ARHGAP10: variants seen among roughly 807,000 people sequenced by gnomAD.
ARHGAP10 encodes rho GTPase-activating protein 10.
ARHGAP10 carries 87 observed loss-of-function variants against 108.6 expected under a neutral mutation model. That is an observed-to-expected ratio of 0.80 (90% CI 0.67 to 0.96). The LOEUF (loss-of-function observed/expected upper bound fraction) is 0.96. Among genes scored for constraint, ARHGAP10 ranks in the 40% least tolerant of loss-of-function variants. ARHGAP10 has a pLI of 0.00. For synonymous variants in ARHGAP10, 347 were observed against 341.1 expected, an observed-to-expected ratio of 1.02 and a Z score of -0.19; for missense variants, 939 against 954.5, an observed-to-expected ratio of 0.98 and a Z score of 0.21.
At chr4:147,990,891 C>T (rs2149635694) in intron 18 of ARHGAP10, among the ~76,000 whole-genome samples, 1 of 152,062 alleles carries the variant, frequency 6.6e-6, no homozygotes, top group Admixed American at 6.5e-5. Flanking sequence ...TGGTGCATAC[C>T]TGTGGTCCCA....
chr4:148,024,165 A>G (rs899548936), intron 19 of ARHGAP10, among the ~76,000 whole-genome samples: 1 of 152,226 alleles, frequency 6.6e-6, no homozygotes, highest in Non-Finnish European at 1.5e-5. Context: ...GTGGAGAATA[A>G]GATGATTCTG....
chr4:147,738,558 C>G (rs9994150), intron 1 of ARHGAP10, among the ~76,000 whole-genome samples: 2,041 of 151,042 alleles, frequency 0.014, 47 homozygotes, highest in African/African-American at 0.046. Flanking sequence ...GTCTCCCCCC[C>G]CCAAAAAAAA....
chr4:147,823,442 C>A (rs911190551), intron 3 of ARHGAP10, among the ~76,000 whole-genome samples: 5 of 152,064 alleles, frequency 3.3e-5, no homozygotes, highest in Admixed American at 1.3e-4. Context: ...CATCAAGATT[C>A]ATGATCATAA....
At chr4:147,795,603 G>A (rs987626848) in intron 1 of ARHGAP10, among the ~76,000 whole-genome samples, 8 of 151,976 alleles carry the variant, frequency 5.3e-5, no homozygotes, top group Non-Finnish European at 7.4e-5. Flanking sequence ...CGTGGTGCTT[G>A]GTACGTAGTA....
intron 9 of ARHGAP10, 100 bp from the exon 10 acceptor site, chr4:147,881,738 A>G: frequency 1.1e-6 from 1 of 946,432 alleles, no homozygotes; most frequent in Non-Finnish European, 1.6e-6. Flanking sequence ...GAAGGACTTA[A>G]GATCTTGAAC....
At chr4:147,890,479 A>G (rs1735756186) in intron 10 of ARHGAP10, among the ~76,000 whole-genome samples, 1 of 152,250 alleles carries the variant, frequency 6.6e-6, no homozygotes, top group Non-Finnish European at 1.5e-5. Flanking sequence ...TATATAGACA[A>G]ATAACAATGA....
intron 1 of ARHGAP10, among the ~76,000 whole-genome samples, chr4:147,797,564 C>A (rs1337152567): frequency 6.6e-6 from 1 of 152,100 alleles, no homozygotes; most frequent in Non-Finnish European, 1.5e-5. Flanking sequence ...AGGTGCGCAC[C>A]ACCACACCCA....
intron 1 of ARHGAP10, among the ~76,000 whole-genome samples, chr4:147,806,207 T>C (rs1471722313): frequency 6.6e-6 from 1 of 152,120 alleles, no homozygotes; most frequent in Non-Finnish European, 1.5e-5. Context: ...TCCAGGCGGC[T>C]TTCCAGGTCG....
At chr4:148,023,166 G>T in intron 18 of ARHGAP10, 97 bp from the exon 19 acceptor site, 3 of 1,440,000 alleles carry the variant, frequency 2.1e-6, no homozygotes, top group East Asian at 2.3e-5. Context: ...TGTCTTGAAT[G>T]AACTCCAAAT....
chr4:148,028,646 A>C (rs1727989350), intron 19 of ARHGAP10, among the ~76,000 whole-genome samples: 1 of 152,218 alleles, frequency 6.6e-6, no homozygotes, highest in Non-Finnish European at 1.5e-5. Flanking sequence ...GCAAGGGAGA[A>C]GAGTTGTAAC....
intron 4 of ARHGAP10, among the ~76,000 whole-genome samples, chr4:147,853,888 G>A (rs1733979324): frequency 6.6e-6 from 1 of 151,950 alleles, no homozygotes. Flanking sequence ...AATTAATTTT[G>A]ATATGAGATG....
intron 3 of ARHGAP10, among the ~76,000 whole-genome samples, chr4:147,840,406 C>G (rs559691754): frequency 5.7e-4 from 87 of 152,188 alleles, no homozygotes; most frequent in African/African-American, 1.9e-3. Flanking sequence ...CATGAAACAT[C>G]TAGTTTTTTT....
chr4:148,020,289 G>A (rs1225541988), intron 18 of ARHGAP10, among the ~76,000 whole-genome samples: 2 of 151,800 alleles, frequency 1.3e-5, no homozygotes, highest in Non-Finnish European at 2.9e-5. Flanking sequence ...TTTTTCTGGT[G>A]TTTTTTTTCC....
Position 147,835,666 on chromosome 4 carries a change from G to A in ARHGAP10, c.313-11485G>A, listed in dbSNP as rs1579098382. On this transcript the variant is annotated intron_variant, in intron 3 of 22. Transcript: ENST00000336498. ...TGGGATTACAGGCATGAGCCACTGCGCCTGGCCTATTTTATTTTCTTGATT... is the reference window on the plus strand; with the variant it reads ...TGGGATTACAGGCATGAGCCACTGCACCTGGCCTATTTTATTTTCTTGATT... Among the ~76,000 whole-genome samples, 7 of 152,286 alleles carry A rather than the reference G, an allele frequency of 4.6e-5. No individual in the cohort carries two copies. The Middle Eastern group carries it at 0.01, about 222-fold the overall frequency.
chr4:147,848,657 T>C (rs1353368215), intron 4 of ARHGAP10, among the ~76,000 whole-genome samples: 1 of 152,266 alleles, frequency 6.6e-6, no homozygotes, highest in Non-Finnish European at 1.5e-5. Context: ...TTTTCTCATT[T>C]GAATTGGATG....
chr4:147,756,983 T>C (rs781402026), intron 1 of ARHGAP10, among the ~76,000 whole-genome samples: 1 of 151,382 alleles, frequency 6.6e-6, no homozygotes, highest in African/African-American at 2.4e-5. Flanking sequence ...CCTTGGTTGG[T>C]CTAGGCTGGT....
intron 6 of ARHGAP10, 158 bp from the exon 7 acceptor site, chr4:147,866,554 T>G (rs570461397): frequency 3.5e-6 from 2 of 572,970 alleles, no homozygotes; most frequent in South Asian, 2.6e-5. Flanking sequence ...ATAGATAATA[T>G]GTACTTGTGT....
intron 18 of ARHGAP10, among the ~76,000 whole-genome samples, chr4:148,018,204 C>T (rs1741423303): frequency 6.6e-6 from 1 of 152,092 alleles, no homozygotes; most frequent in Non-Finnish European, 1.5e-5. Context: ...TCTCTTGATT[C>T]TCAATATTGC....
chr4:148,040,110 C>T (rs965829416), intron 19 of ARHGAP10, among the ~76,000 whole-genome samples: 1 of 152,172 alleles, frequency 6.6e-6, no homozygotes, highest in Non-Finnish European at 1.5e-5. Context: ...CTGGGGTCAC[C>T]TAGGTGCTGG....
Sources: allele counts gnomAD v4.1 joint callset (sites outside exome capture counted in the v4.1 genomes callset), GRCh38; gene constraint gnomAD v4.1.1; transcripts MANE v1.5; gene names NCBI Gene and HGNC (gene_info 2026-07-23, HGNC 2026-07-21).